Variants in ITPR3 observed in about 807,000 individuals in gnomAD.
ITPR3 encodes inositol 1,4,5-trisphosphate receptor type 3, also known as inositol 1,4,5-trisphosphate-gated calcium channel ITPR3.
In ITPR3, 173 loss-of-function variants were observed where a neutral mutation model predicts 293.2. The ratio of observed to expected loss-of-function variants is 0.59; its 90% CI spans 0.52 to 0.67. The LOEUF is 0.67. Among genes scored for constraint, ITPR3 ranks in the 30% least tolerant of loss-of-function variants. The pLI is 0.00. For synonymous variants in ITPR3, 1,295 were observed against 1,444.4 expected, an observed-to-expected ratio of 0.90 and a Z score of 2.35; for missense variants, 2,796 against 3,592.1, an observed-to-expected ratio of 0.78 and a Z score of 5.66.
chr6:33,682,655 CGGG>C lies in ITPR3; in HGVS notation c.4597+13_4597+15del. ...CCCTCGCCATGGTGGGTGAGTGTGC[CGGG>C]GCACTGGCCAGCCCCAAACCACTCC... On this transcript the variant is annotated intron_variant, in intron 34 of 57. Transcript: ENST00000605930. The surrounding 1 kb of genome is among the most constrained non-coding windows in gnomAD (Gnocchi z 5.4). 1 of 1,590,278 alleles carries C rather than the reference CGGG, an allele frequency of 6.3e-7. No homozygotes were observed.
Position 33,680,087 on chromosome 6 carries a change from T to A in ITPR3, c.4178T>A (p.Leu1393Gln), listed in dbSNP as rs1362961814. 2 of 1,613,572 alleles carry A rather than the reference T, an allele frequency of 1.2e-6. No individual in the cohort carries two copies. Among genetic ancestry groups the A allele is most frequent in the Non-Finnish European group, 1.7e-6 (2 of 1,179,994 alleles). ...ATCAAGTGCACCTCCCTGCTGCCGCTGGAGGACGTGGTGTCTGTGGTGACG... is the reference window on the plus strand; with the variant it reads ...ATCAAGTGCACCTCCCTGCTGCCGCAGGAGGACGTGGTGTCTGTGGTGACG... ...TEIKCTSLLP[L>Q]EDVVSVVTHE... Residue 1393 changes from leucine to glutamine, a missense_variant, in exon 31 of 58, where the codon CTG becomes CAG. By Grantham distance (113) the Leu-to-Gln change is moderately radical. Around this residue, in one of 8 missense-constraint regions of ITPR3, gnomAD observed 344 missense variants for 460.3 expected, o/e 0.75. Coordinates refer to ENST00000605930, the MANE Select transcript of ITPR3 (RefSeq NM_002224.4).
At chr6:33,689,875 T>C (rs899679159) in intron 50 of ITPR3, among the ~76,000 whole-genome samples, 159 bp from the exon 51 acceptor site, 2 of 152,236 alleles carry the variant, frequency 1.3e-5, no homozygotes, top group Non-Finnish European at 2.9e-5. Context: ...CCCAAGGGGC[T>C]GCCTCTGTAT....
rs531247234 is a variant in ITPR3, at chr6:33,629,315, A to T, written c.89+7624A>T. Among the ~76,000 whole-genome samples, 17 of 152,250 alleles carry T rather than the reference A, an allele frequency of 1.1e-4. No individual in the cohort carries two copies. The South Asian group carries it at 3.3e-3, about 30-fold the overall frequency. ...AATTAATAGTTTCCTAATAGCATTC[A>T]GGGCCCAATCCATAGTCAGATGTGC... On this transcript the variant is annotated intron_variant, in intron 1 of 57. Transcript: ENST00000605930.
Position 33,690,200 on chromosome 6 carries a change from T to C in ITPR3, c.7032+2T>C. ...CATGAGCTGTTCTACAGCATCCTGGTGAGGCCTTCTGGGTGGGCTGGGGCT... is the reference window on the plus strand; with the variant it reads ...CATGAGCTGTTCTACAGCATCCTGGCGAGGCCTTCTGGGTGGGCTGGGGCT... On this transcript the variant is annotated splice_donor_variant, in intron 51 of 57. Coordinates refer to ENST00000605930, the MANE Select transcript of ITPR3 (RefSeq NM_002224.4). LOFTEE classifies it high-confidence loss of function. 1 of 1,612,832 alleles carries C rather than the reference T, an allele frequency of 6.2e-7. No homozygotes were observed. Among genetic ancestry groups the C allele is most frequent in the Non-Finnish European group, 8.5e-7 (1 of 1,179,354 alleles).
Position 33,625,034 on chromosome 6 carries a change from C to T in ITPR3, c.89+3343C>T, listed in dbSNP as rs556935613. The stretch of plus-strand genomic sequence containing the variant: ...AAGGGAAAGCAGGCCCACGCCTGTT[C>T]TTGGCAGGAGAGCAAGGCCAATGCC... On this transcript the variant is annotated intron_variant, in intron 1 of 57. Transcript: ENST00000605930. 1.3e-4 allele frequency among the ~76,000 whole-genome samples: 20 copies of T among 152,346 alleles called. No homozygotes were observed. In the South Asian group the frequency reaches 4.1e-3, roughly 32 times the overall value.
chr6:33,677,727 G>A lies in ITPR3; in HGVS notation c.3648+98G>A, dbSNP rs908476225. ...GCCCTAATGCAGGCAACCTCTCCCA[G>A]CCTCGCCTGGCCTCTTACACTGCCC... On this transcript the variant is annotated intron_variant, in intron 28 of 57. Coordinates refer to ENST00000605930, the MANE Select transcript of ITPR3 (RefSeq NM_002224.4). 1.9e-5 allele frequency: 27 copies of A among 1,407,542 alleles called. No homozygotes were observed. The African/African-American group carries it at 3.4e-4, about 18-fold the overall frequency. 87.2% of individuals were successfully genotyped at this position (1,407,542 alleles called of 1,614,324 possible). A position where few individuals can be genotyped will look rare whatever the true frequency, so the allele number is the denominator to read the frequency against.
rs1026288057 is a variant in ITPR3, at chr6:33,624,076, A to T, written c.89+2385A>T. ...TTAGCAAGCAAGTCTCCACCTGGGTAAATCTGTCCCACCCTCTAAGGCTTA... is the reference window on the plus strand; with the variant it reads ...TTAGCAAGCAAGTCTCCACCTGGGTTAATCTGTCCCACCCTCTAAGGCTTA... On this transcript the variant is annotated intron_variant, in intron 1 of 57. Coordinates refer to ENST00000605930, the MANE Select transcript of ITPR3 (RefSeq NM_002224.4). This position sits in a 1 kb window ranked among gnomAD's most constrained non-coding sequence, Gnocchi z 4.7. 1.5e-4 allele frequency among the ~76,000 whole-genome samples: 23 copies of T among 152,210 alleles called. No homozygotes were observed. The highest frequency in any genetic ancestry group is 5.3e-4 in the African/African-American group (22 of 41,448).
At position 33,679,907 on chromosome 6, in the gene ITPR3, T is replaced by C; in HGVS notation, c.3998T>C (p.Val1333Ala). The change falls in exon 31 of 58, where the codon GTC becomes GCC. Residue 1333 changes from valine (V) to alanine (A), a missense_variant. By Grantham distance (64) the Val-to-Ala change is moderately conservative. Around this residue, in one of 8 missense-constraint regions of ITPR3, gnomAD observed 344 missense variants for 460.3 expected, o/e 0.75. Coordinates refer to ENST00000605930, the MANE Select transcript of ITPR3 (RefSeq NM_002224.4). The surrounding 1 kb of genome is among the most constrained non-coding windows in gnomAD (Gnocchi z 4.2). ...CTGACCAATGCAGGTGACGATGTGGTCGTGTTCTACAATGATAAGGCATCG... is the reference window on the plus strand; with the variant it reads ...CTGACCAATGCAGGTGACGATGTGGCCGTGTTCTACAATGATAAGGCATCG... ...TELTNAGDDV[V>A]VFYNDKASLA... is the part of the protein sequence containing the mutation. The C allele has an allele frequency of 6.2e-7, 1 of 1,613,300 alleles. No individual in the cohort carries two copies. Among genetic ancestry groups the C allele is most frequent in the Non-Finnish European group, 8.5e-7 (1 of 1,179,766 alleles).
At position 33,683,304 on chromosome 6, in the gene ITPR3, C is replaced by T. The variant is rs929080671; in HGVS notation, c.4695C>T (p.Asn1565=). ...GASCAAAAQR[N]ASSYKATTRA... ...GCTGTGCAGCTGCCGCCCAGCGGAACGCCTCCAGCTACAAGGCAACCACGC... is the reference window on the plus strand; with the variant it reads ...GCTGTGCAGCTGCCGCCCAGCGGAATGCCTCCAGCTACAAGGCAACCACGC... Residue 1565 remains asparagine, a synonymous_variant, in exon 35 of 58, where the codon AAC becomes AAT. Coordinates refer to ENST00000605930, the MANE Select transcript of ITPR3 (RefSeq NM_002224.4). This position sits in a 1 kb window ranked among gnomAD's most constrained non-coding sequence, Gnocchi z 4.5. 6 of 1,585,052 alleles carry T rather than the reference C, an allele frequency of 3.8e-6. No individual in the cohort carries two copies. Among genetic ancestry groups the T allele is most frequent in the Non-Finnish European group, 5.1e-6 (6 of 1,166,186 alleles).
rs920907452 is a variant in ITPR3 at position 33,691,174 on chromosome 6, C to T, written c.7225+65C>T. On this transcript the variant is annotated intron_variant, in intron 52 of 57. Coordinates refer to ENST00000605930, the MANE Select transcript of ITPR3 (RefSeq NM_002224.4). This position sits in a 1 kb window ranked among gnomAD's most constrained non-coding sequence, Gnocchi z 4.9. ...GAGGTTGGGTCTCACAAATGTCTGG[C>T]GTCAGGACCAGGACCTGCAGCGCTT... is the stretch of plus-strand genomic sequence containing the variant. 4.4e-5 allele frequency: 67 copies of T among 1,526,210 alleles called. 1 individual carries two copies. The highest frequency in any genetic ancestry group is 1.9e-4 in the Admixed American group (11 of 58,454). 94.5% of individuals were successfully genotyped at this position (1,526,210 alleles called of 1,614,324 possible).
At chr6:33,680,736 G>C in intron 33 of ITPR3, 56 bp downstream of exon 33, 1 of 1,569,426 alleles carries the variant, frequency 6.4e-7, no homozygotes, top group Non-Finnish European at 8.7e-7. Flanking sequence ...TTTGTGAAGG[G>C]AAGGGGGGAA....
chr6:33,631,335 T>C (rs192558385), intron 1 of ITPR3, among the ~76,000 whole-genome samples: 1 of 152,304 alleles, frequency 6.6e-6, no homozygotes, highest in East Asian at 1.9e-4. Flanking sequence ...TGATATTTAT[T>C]GCATACAAGA....
chr6:33,667,904 A>G lies in ITPR3; in HGVS notation c.1826A>G (p.His609Arg), dbSNP rs1764654376. 6.2e-7 allele frequency: 1 copy of G among 1,614,200 alleles called. No homozygotes were observed. Among genetic ancestry groups the G allele is most frequent in the Non-Finnish European group, 8.5e-7 (1 of 1,180,018 alleles). ...AACAACCGCAAGCTCCTGGAAAAGC[A>G]CATCACCAAGACCGAGGTGGAGACC... ...LHNNRKLLEKHITKTEVETFV... is the reference protein window; with the variant it reads ...LHNNRKLLEKRITKTEVETFV... Residue 609 changes from histidine (H) to arginine (R), a missense_variant, in exon 16 of 58, where the codon CAC becomes CGC. Coordinates refer to ENST00000605930, the MANE Select transcript of ITPR3 (RefSeq NM_002224.4). The surrounding 1 kb of genome is among the most constrained non-coding windows in gnomAD (Gnocchi z 4.4).
At position 33,670,767 on chromosome 6, in the gene ITPR3, C is replaced by T. The variant is rs200877258; in HGVS notation, c.2538C>T (p.Ser846=). ...FVEDYLNNVV[S]EAVPFANEEK... Reference sequence around the variant, plus strand: ...AGGACTACCTCAACAATGTAGTCAGCGAGGCCGTGCCCTTTGCCAACGAGG... The same window carrying T: ...AGGACTACCTCAACAATGTAGTCAGTGAGGCCGTGCCCTTTGCCAACGAGG... Residue 846 remains serine (S), a synonymous_variant, in exon 20 of 58, where the codon AGC becomes AGT. Transcript: ENST00000605930. The surrounding 1 kb of genome is among the most constrained non-coding windows in gnomAD (Gnocchi z 6.7). 105 of 1,614,048 alleles carry T rather than the reference C, an allele frequency of 6.5e-5. 1 individual carries two copies. The highest frequency in any genetic ancestry group is 1.1e-4 in the African/African-American group (8 of 75,038).
In ITPR3 at chr6:33,633,758, G is replaced by GCGGGGGCGGGGC. The variant is rs1554134328; in HGVS notation, c.90-6721_90-6720insGCGGGGCCGGGG. On this transcript the variant is annotated intron_variant, in intron 1 of 57. Transcript: ENST00000605930. This position sits in a 1 kb window ranked among gnomAD's most constrained non-coding sequence, Gnocchi z 5.2. ...GTTTCGCTTCGCCGCGGGGGCGGGG[G>GCGGGGGCGGGGC]CGGGGCCGGGGCCGGGGCCGGACGC... Among the ~76,000 whole-genome samples, 15 of 144,906 alleles carry GCGGGGGCGGGGC rather than the reference G, an allele frequency of 1.0e-4. No homozygotes were observed. The highest frequency in any genetic ancestry group is 3.2e-4 in the African/African-American group (13 of 40,338).
At chr6:33,648,459 C>T (rs776080252) in intron 2 of ITPR3, among the ~76,000 whole-genome samples, 2 of 152,104 alleles carry the variant, frequency 1.3e-5, no homozygotes, top group African/African-American at 4.8e-5. Flanking sequence ...TCCATTGCCC[C>T]CCTCATCCTC....
rs1764831474 is a variant in ITPR3, at chr6:33,673,719, C to A, written c.3057C>A (p.Thr1019=). ...ADGTAPAFDS[T]TANMNLDRIG... is the part of the protein sequence containing the mutation. Reference sequence around the variant, plus strand: ...GCACAGCCCCTGCCTTCGACTCTACCAGTAAGCCCCTGCCCTGCCTTCAGG... The same window carrying A: ...GCACAGCCCCTGCCTTCGACTCTACAAGTAAGCCCCTGCCCTGCCTTCAGG... Residue 1019 remains threonine (T), a splice_region_variant and synonymous_variant, in exon 23 of 58, where the codon ACC becomes ACA. Coordinates refer to ENST00000605930, the MANE Select transcript of ITPR3 (RefSeq NM_002224.4). The A allele has an allele frequency of 6.2e-7, 1 of 1,614,032 alleles. No homozygotes were observed. The highest frequency in any genetic ancestry group is 1.7e-4 in the Middle Eastern group (1 of 6,052).
chr6:33,691,229 C>T lies in ITPR3; in HGVS notation c.7225+120C>T, dbSNP rs1765380341. 2.1e-6 allele frequency: 2 copies of T among 973,570 alleles called. No homozygotes were observed. The highest frequency in any genetic ancestry group is 4.6e-5 in the Admixed American group (2 of 43,744). The allele number at this position is 973,570 out of a possible 1,614,324, so 60.3% of individuals were successfully genotyped here. A position where few individuals can be genotyped will look rare whatever the true frequency, so the allele number is the denominator to read the frequency against. On this transcript the variant is annotated intron_variant, in intron 52 of 57. Coordinates refer to ENST00000605930, the MANE Select transcript of ITPR3 (RefSeq NM_002224.4). The surrounding 1 kb of genome is among the most constrained non-coding windows in gnomAD (Gnocchi z 4.9). ...CACCAGGCTCCCGTCTGCTTCTCCT[C>T]TTGGCTTCTGGGGACGTCTAGCTAA...
intron 1 of ITPR3, among the ~76,000 whole-genome samples, chr6:33,639,989 G>A (rs1434664409): frequency 1.3e-5 from 2 of 152,124 alleles, no homozygotes; most frequent in African/African-American, 4.8e-5. Flanking sequence ...GGTGTCTCCT[G>A]TGCTTCTCTC....
Sources: allele counts gnomAD v4.1 joint callset (sites outside exome capture counted in the v4.1 genomes callset), GRCh38; gene constraint gnomAD v4.1.1; regional missense constraint gnomAD v4.1.1; non-coding constraint Gnocchi (gnomAD v3.1); transcripts MANE v1.5; gene names NCBI Gene and HGNC (gene_info 2026-07-23, HGNC 2026-07-21).